B3GAT3: variants seen among roughly 807,000 people sequenced by gnomAD.
B3GAT3 encodes beta-1,3-glucuronyltransferase 3, also known as galactosylgalactosylxylosylprotein 3-beta-glucuronosyltransferase 3.
Under a neutral mutation model 33.1 loss-of-function variants are expected in B3GAT3, and 19 were observed. The ratio of observed to expected loss-of-function variants is 0.57; its 90% CI spans 0.40 to 0.84. The LOEUF (loss-of-function observed/expected upper bound fraction) is 0.84, where lower values mean the gene tolerates loss of function less well. B3GAT3 is among the 40% of genes least tolerant of loss of function. B3GAT3 has a pLI of 0.00. For synonymous variants in B3GAT3, 167 were observed against 193.5 expected (o/e 0.86, Z 1.14); for missense variants, 344 against 441.5 (o/e 0.78, Z 1.98).
chr11:62,620,355 G>A lies in B3GAT3; in HGVS notation c.257+142C>T, dbSNP rs570666969. On this transcript the variant is annotated intron_variant, in intron 2 of 4. Coordinates refer to ENST00000265471, the MANE Select transcript of B3GAT3 (RefSeq NM_012200.4). ...GAACTATTTTCCCACAAATATTTGA[G>A]TATAAATGTGGTTCATTTATCCTGT... 2.3e-4 allele frequency: 185 copies of A among 820,090 alleles called. 1 individual carries two copies. In the South Asian group the frequency reaches 2.6e-3, roughly 12 times the overall value. 50.8% of individuals were successfully genotyped at this position (820,090 alleles called of 1,614,324 possible). A position where few individuals can be genotyped will look rare whatever the true frequency, so the allele number is the denominator to read the frequency against.
Position 62,616,681 on chromosome 11 carries a change from G to A in B3GAT3, c.734C>T (p.Pro245Leu). Residue 245 changes from proline (P) to leucine (L), a missense_variant, in exon 4 of 5, where the codon CCC (proline) becomes CTC (leucine). Coordinates refer to ENST00000265471, the MANE Select transcript of B3GAT3 (RefSeq NM_012200.4). ...CATATCCACAGGGAAGGGCCTGCTG[G>A]GCTCCCATGCTGTGTGGAAGCCCAC... ...RVVGFHTAWEPSRPFPVDMAG... is the reference protein window; with the variant it reads ...RVVGFHTAWELSRPFPVDMAG... 1.9e-6 allele frequency: 3 copies of A among 1,614,196 alleles called. No individual in the cohort carries two copies. Among genetic ancestry groups the A allele is most frequent in the Non-Finnish European group, 2.5e-6 (3 of 1,180,034 alleles).
In B3GAT3 at chr11:62,617,325, C is replaced by G. The variant is rs1943054411; in HGVS notation, c.280G>C (p.Val94Leu). Residue 94 changes from valine (V) to leucine (L), a missense_variant, in exon 3 of 5, where the codon GTA (valine) becomes CTA (leucine). Transcript: ENST00000265471. ...YARLVQKAEL[V>L]RLSQTLSLVP... is the part of the protein sequence containing the mutation. ...AGGCTCAGTGTCTGGGACAGTCGTA[C>G]CAGCTCTGCCTTCTGTACCAGCCTG... is the stretch of plus-strand genomic sequence containing the variant. 1 of 1,612,800 alleles carries G rather than the reference C, an allele frequency of 6.2e-7. No homozygotes were observed. Among genetic ancestry groups the G allele is most frequent in the Admixed American group, 1.7e-5 (1 of 59,998 alleles).
At chr11:62,616,322 G>C (rs1565075275) in intron 4 of B3GAT3, 184 bp downstream of exon 4, 2 of 827,780 alleles carry the variant, frequency 2.4e-6, no homozygotes, top group South Asian at 3.1e-5. Context: ...ACTCGGGGCA[G>C]AGTGGCAGGA....
chr11:62,621,388 G>A, intron 1 of B3GAT3: 1 of 451,268 alleles, frequency 2.2e-6, no homozygotes, highest in Admixed American at 2.4e-5. Context: ...ATGGAATTAA[G>A]AATGGTAACT....
intron 1 of B3GAT3, among the ~76,000 whole-genome samples, chr11:62,621,650 G>C (rs1035116998): frequency 6.6e-6 from 1 of 152,238 alleles, no homozygotes; most frequent in African/African-American, 2.4e-5. Context: ...GGATCATGCG[G>C]GGCCTTGCAG....
In B3GAT3 at chr11:62,620,613, C is replaced by G; in HGVS notation, c.141G>C (p.Lys47Asn). The change falls in exon 2 of 5, where the codon AAG becomes AAC. Residue 47 changes from lysine to asparagine, a missense_variant. Lys to Asn is a moderately conservative substitution (Grantham distance 94). Transcript: ENST00000265471. Reference sequence around the variant, plus strand: ...CTTGCAGCTGGGAAATCCTCAGATCCTTCTGCCGTAGCTGCTCGGCTGCTG... The same window carrying G: ...CTTGCAGCTGGGAAATCCTCAGATCGTTCTGCCGTAGCTGCTCGGCTGCTG... ...LRAAAEQLRQ[K>N]DLRISQLQAE... The G allele has an allele frequency of 6.2e-7, 1 of 1,612,728 alleles. No individual in the cohort carries two copies. The highest frequency in any genetic ancestry group is 1.3e-5 in the African/African-American group (1 of 74,914).
chr11:62,620,994 A>G lies in B3GAT3; in HGVS notation c.83-323T>C, dbSNP rs143038970. 259 of 525,554 alleles carry G rather than the reference A, an allele frequency of 4.9e-4. 2 individuals are homozygous for G. The highest frequency in any genetic ancestry group is 4.0e-3 in the African/African-American group (212 of 52,914). The allele number at this position is 525,554 out of a possible 1,614,324, so 32.6% of individuals were successfully genotyped here. A position where few individuals can be genotyped will look rare whatever the true frequency, so the allele number is the denominator to read the frequency against. The stretch of plus-strand genomic sequence containing the variant: ...TCCTTAAACAGGACAGTCTTTTCAG[A>G]GTCCAAGGTGCCAACTAACCATTAC... On this transcript the variant is annotated intron_variant, in intron 1 of 4. Transcript: ENST00000265471.
intron 2 of B3GAT3, among the ~76,000 whole-genome samples, chr11:62,618,086 A>G (rs1451279685): frequency 6.7e-6 from 1 of 148,380 alleles, no homozygotes; most frequent in Non-Finnish European, 1.5e-5. Flanking sequence ...CTGAGGCAGA[A>G]GAATCGCTTG....
In B3GAT3 at chr11:62,616,549, A is replaced by G. The variant is rs147681657; in HGVS notation, c.866T>C (p.Val289Ala). 30 of 1,614,048 alleles carry G rather than the reference A, an allele frequency of 1.9e-5. No individual in the cohort carries two copies. In the African/African-American group the frequency reaches 3.9e-4, roughly 21 times the overall value. ...CCGTGGCTCCAGGTCCTTGGGATCC[A>G]CAAGGTGGCTCAGAAGACTGCTCTC... is the stretch of plus-strand genomic sequence containing the variant. Reference protein sequence around the residue: ...HLESSLLSHLVDPKDLEPRAA... With the variant: ...HLESSLLSHLADPKDLEPRAA... The change falls in exon 4 of 5, where the codon GTG (valine) becomes GCG (alanine). Residue 289 changes from valine (V) to alanine (A), a missense_variant. Physicochemically the swap from Val to Ala is moderately conservative, Grantham distance 64. Transcript: ENST00000265471.
chr11:62,616,551 AAGGTGGCTCAGAAGACTGCTCTCC>A lies in B3GAT3; in HGVS notation c.840_863del (p.Glu281_Leu288del), dbSNP rs1440339649. On this transcript the variant is annotated inframe_deletion, in exon 4 of 5. Coordinates refer to ENST00000265471, the MANE Select transcript of B3GAT3 (RefSeq NM_012200.4). Reference sequence around the variant, plus strand: ...GTGGCTCCAGGTCCTTGGGATCCACAAGGTGGCTCAGAAGACTGCTCTCCAGGTGGCCCCGGGGAGCGGTGGAAT... The same window carrying A: ...GTGGCTCCAGGTCCTTGGGATCCACAAGGTGGCCCCGGGGAGCGGTGGAAT... 6.2e-7 allele frequency: 1 copy of A among 1,614,192 alleles called. No homozygotes were observed. Among genetic ancestry groups the A allele is most frequent in the East Asian group, 2.2e-5 (1 of 44,886 alleles).
chr11:62,619,151 G>A (rs1286629321), intron 2 of B3GAT3, among the ~76,000 whole-genome samples: 5 of 143,794 alleles, frequency 3.5e-5, no homozygotes, highest in African/African-American at 7.8e-5. Context: ...ACTCCATCTC[G>A]GTGTTGCGGG....
At chr11:62,621,828 C>T (rs1943150926) in intron 1 of B3GAT3, 38 bp downstream of exon 1, 1 of 1,461,756 alleles carries the variant, frequency 6.8e-7, no homozygotes, top group African/African-American at 1.5e-5. Context: ...CGGGCGCCCT[C>T]GGGCCAGCCC....
intron 1 of B3GAT3, 104 bp from the exon 2 acceptor site, chr11:62,620,775 G>T: frequency 8.6e-7 from 1 of 1,167,628 alleles, no homozygotes; most frequent in Non-Finnish European, 1.2e-6. Flanking sequence ...CCTAACCAAT[G>T]CAGGTATCAC....
At chr11:62,621,121 T>C (rs1943135768) in intron 1 of B3GAT3, 1 of 459,380 alleles carries the variant, frequency 2.2e-6, no homozygotes, top group Non-Finnish European at 4.4e-6. Context: ...TCCATTCCCT[T>C]GGCTAGGTGA....
chr11:62,618,202 A>AC (rs1371921495), intron 2 of B3GAT3, among the ~76,000 whole-genome samples: 14 of 149,946 alleles, frequency 9.3e-5, no homozygotes, highest in African/African-American at 2.9e-4. Flanking sequence ...AAAAAAAAAA[A>AC]AACAAATTAA....
At chr11:62,616,828 G>A (rs754354936) in intron 3 of B3GAT3, 32 bp from the exon 4 acceptor site, 23 of 1,613,428 alleles carry the variant, frequency 1.4e-5, no homozygotes, top group South Asian at 2.2e-5. Context: ...GAAACAGAGG[G>A]GTGGTCCGGG....
At position 62,617,419 on chromosome 11, in the gene B3GAT3, T is replaced by C; in HGVS notation, c.258-72A>G. ...GCCTGCTCCAGCCAGGGCAGACAGC[T>C]TCTCCTGGGCCACTGCCTGCGTCTC... On this transcript the variant is annotated intron_variant, in intron 2 of 4. Transcript: ENST00000265471. 4 of 1,594,630 alleles carry C rather than the reference T, an allele frequency of 2.5e-6. No homozygotes were observed. In the Admixed American group the frequency reaches 6.7e-5, roughly 27 times the overall value.
chr11:62,617,722 C>A (rs577356814), intron 2 of B3GAT3, among the ~76,000 whole-genome samples: 1 of 151,330 alleles, frequency 6.6e-6, no homozygotes, highest in South Asian at 2.1e-4. Flanking sequence ...TAAAAAAATA[C>A]AAAAATTTGC....
intron 2 of B3GAT3, 163 bp from the exon 3 acceptor site, chr11:62,617,510 C>T: frequency 1.1e-6 from 1 of 909,468 alleles, no homozygotes; most frequent in South Asian, 1.5e-5. Context: ...TGCTAACACT[C>T]ACCTGCCCTG....
Sources: gnomAD v4.1 joint callset for allele counts (sites outside exome capture counted in the v4.1 genomes callset) on GRCh38, gnomAD v4.1.1 for gene constraint, MANE v1.5 for transcripts, NCBI Gene and HGNC (gene_info 2026-07-23, HGNC 2026-07-21) for gene names.